LRP1B: variants seen among roughly 807,000 people sequenced by gnomAD.
LRP1B encodes LDL receptor related protein 1B, also known as low-density lipoprotein receptor-related protein 1B.
LRP1B carries 217 observed loss-of-function variants against 556.6 expected under a neutral mutation model. That is an observed-to-expected ratio of 0.39 (90% CI 0.35 to 0.44). The LOEUF (loss-of-function observed/expected upper bound fraction) is 0.44. LRP1B is among the 20% of genes least tolerant of loss of function. LRP1B has a pLI of 1.00. For synonymous variants in LRP1B, 2,047 were observed against 1,865.8 expected (o/e 1.10, Z -2.50); for missense variants, 5,053 against 5,620.8 (o/e 0.90, Z 3.23).
At chr2:140,693,186 A>G (rs2105403365) in intron 41 of LRP1B, among the ~76,000 whole-genome samples, 1 of 152,266 alleles carries the variant, frequency 6.6e-6, no homozygotes, top group Admixed American at 6.5e-5. Context: ...TTTAATAATA[A>G]AGACAATTGT....
At chr2:141,483,724 C>T (rs1361163297) in intron 2 of LRP1B, among the ~76,000 whole-genome samples, 18 of 152,148 alleles carry the variant, frequency 1.2e-4, no homozygotes, top group South Asian at 1.0e-3. Flanking sequence ...TGATGATGAG[C>T]GTTTTTTCAT....
chr2:140,315,658 C>A (rs974224152), intron 82 of LRP1B, among the ~76,000 whole-genome samples: 1 of 152,140 alleles, frequency 6.6e-6, no homozygotes, highest in African/African-American at 2.4e-5. Context: ...ACCAAGAAAT[C>A]TTCCTTATAA....
intron 32 of LRP1B, among the ~76,000 whole-genome samples, chr2:140,778,134 A>T (rs943643319): frequency 6.6e-6 from 1 of 152,220 alleles, no homozygotes; most frequent in African/African-American, 2.4e-5. Flanking sequence ...TGAAAAGTGC[A>T]TAAGGTCCTT....
intron 2 of LRP1B, among the ~76,000 whole-genome samples, chr2:141,664,080 C>G (rs527575023): frequency 1.3e-4 from 20 of 152,196 alleles, no homozygotes; most frequent in African/African-American, 4.6e-4. Flanking sequence ...AAGGCTGGTT[C>G]AACATACACA....
At chr2:140,615,809 C>T (rs954798911) in intron 41 of LRP1B, among the ~76,000 whole-genome samples, 2 of 150,840 alleles carry the variant, frequency 1.3e-5, no homozygotes, top group South Asian at 4.2e-4. Flanking sequence ...AATATTTTGC[C>T]CAAACTGCTA....
At chr2:140,901,452 A>C (rs1042248944) in intron 23 of LRP1B, among the ~76,000 whole-genome samples, 6 of 151,840 alleles carry the variant, frequency 4.0e-5, no homozygotes, top group African/African-American at 1.5e-4. Flanking sequence ...GGCCCCAGTT[A>C]GTTGCTACCT....
chr2:141,466,813 T>A (rs1046413131), intron 3 of LRP1B, among the ~76,000 whole-genome samples: 20 of 151,998 alleles, frequency 1.3e-4, no homozygotes, highest in Admixed American at 1.1e-3. Flanking sequence ...TCTATAACCT[T>A]TTTTTAATAT....
rs1053073773 is a variant in LRP1B at position 141,866,282 on chromosome 2, T to C, written c.83-55881A>G. The stretch of plus-strand genomic sequence containing the variant: ...TGAAAAATTGTGAAGACTCCACTTG[T>C]GGGTTGCTAATGTCTCTCTCTAGTC... On this transcript the variant is annotated intron_variant, in intron 1 of 90. Transcript: ENST00000389484. Among the ~76,000 whole-genome samples the C allele has an allele frequency of 4.9e-4, 75 of 152,222 alleles. 1 individual carries two copies. The highest frequency in any genetic ancestry group is 2.1e-4 in the South Asian group (1 of 4,830).
Position 140,346,490 on chromosome 2 carries a change from A to C in LRP1B, c.11892+4307T>G, listed in dbSNP as rs926059757. The stretch of plus-strand genomic sequence containing the variant: ...AACAACAATAAAACCACAAATGGTA[A>C]TGATGTAATGATCTGATAGCTTTAG... On this transcript the variant is annotated intron_variant, in intron 77 of 90. Transcript: ENST00000389484. Among the ~76,000 whole-genome samples the C allele has an allele frequency of 3.3e-5, 5 of 151,974 alleles. No individual in the cohort carries two copies. The East Asian group carries it at 9.7e-4, about 29-fold the overall frequency.
Position 140,583,162 on chromosome 2 carries a change from C to CTTTTTTTTTTTTTTTTTTTTTTTTTTT in LRP1B, c.7194+15468_7194+15469insAAAAAAAAAAAAAAAAAAAAAAAAAAA, listed in dbSNP as rs1220644581. Reference sequence around the variant, plus strand: ...TGAAAGTTTCTATTGACAGTTTCTCCTTTTTTTTCTTTTTTTTTTTTTTTT... The same window carrying CTTTTTTTTTTTTTTTTTTTTTTTTTTT: ...TGAAAGTTTCTATTGACAGTTTCTCCTTTTTTTTTTTTTTTTTTTTTTTTTTTTTTTTTTTCTTTTTTTTTTTTTTTT... On this transcript the variant is annotated intron_variant, in intron 43 of 90. Coordinates refer to ENST00000389484, the MANE Select transcript of LRP1B (RefSeq NM_018557.3). Among the ~76,000 whole-genome samples the CTTTTTTTTTTTTTTTTTTTTTTTTTTT allele has an allele frequency of 1.9e-5, 2 of 107,818 alleles. 1 individual carries two copies. The highest frequency in any genetic ancestry group is 3.5e-5 in the Non-Finnish European group (2 of 57,378). The allele number at this position is 107,818 out of a possible 152,430, so 70.7% of individuals were successfully genotyped here.
chr2:141,896,615 G>A (rs1699459629), intron 1 of LRP1B, among the ~76,000 whole-genome samples: 2 of 152,072 alleles, frequency 1.3e-5, no homozygotes, highest in Non-Finnish European at 2.9e-5. Flanking sequence ...AAGATGCAAT[G>A]TATGGTACCA....
intron 18 of LRP1B, among the ~76,000 whole-genome samples, chr2:140,969,864 C>G (rs1369638164): frequency 6.6e-5 from 10 of 152,200 alleles, no homozygotes; most frequent in Admixed American, 3.3e-4. Flanking sequence ...TCTCTTCTGG[C>G]TTGTAGAGTT....
At chr2:140,642,604 A>G (rs545629110) in intron 41 of LRP1B, among the ~76,000 whole-genome samples, 31 of 152,148 alleles carry the variant, frequency 2.0e-4, no homozygotes, top group African/African-American at 7.2e-4. Flanking sequence ...CACTTTGGGA[A>G]GCCGAGATGG....
chr2:140,449,708 A>C lies in LRP1B; in HGVS notation c.10057+860T>G, dbSNP rs182379010. On this transcript the variant is annotated intron_variant, in intron 63 of 90. Coordinates refer to ENST00000389484, the MANE Select transcript of LRP1B (RefSeq NM_018557.3). ...ATCTAGATAACCTAAATTTCAAAAA[A>C]GCTTTATAATAAGGTGGTAGCAAGC... is the stretch of plus-strand genomic sequence containing the variant. Among the ~76,000 whole-genome samples the C allele has an allele frequency of 3.2e-4, 49 of 152,310 alleles. No individual in the cohort carries two copies. The East Asian group carries it at 4.6e-3, about 14-fold the overall frequency.
chr2:141,736,230 A>G (rs1384926285), intron 2 of LRP1B, among the ~76,000 whole-genome samples: 1 of 152,296 alleles, frequency 6.6e-6, no homozygotes, highest in East Asian at 1.9e-4. Context: ...GGCTTGTAAT[A>G]TGCATCTGTG....
chr2:141,157,111 T>G (rs941589466), intron 7 of LRP1B, among the ~76,000 whole-genome samples: 1 of 152,132 alleles, frequency 6.6e-6, no homozygotes, highest in Non-Finnish European at 1.5e-5. Context: ...CACCTATCAT[T>G]TGCTTTTAAA....
chr2:141,117,651 T>G (rs2104986582), intron 7 of LRP1B, among the ~76,000 whole-genome samples: 1 of 152,098 alleles, frequency 6.6e-6, no homozygotes, highest in Non-Finnish European at 1.5e-5. Context: ...ATACAACATT[T>G]TAAAATCTGA....
chr2:142,021,639 G>A (rs991374969), intron 1 of LRP1B, among the ~76,000 whole-genome samples: 1 of 151,970 alleles, frequency 6.6e-6, no homozygotes, highest in African/African-American at 2.4e-5. Flanking sequence ...CCTAATCAGA[G>A]TATAACTTCC....
intron 7 of LRP1B, among the ~76,000 whole-genome samples, chr2:141,119,022 G>A (rs544659178): frequency 1.3e-5 from 2 of 152,004 alleles, no homozygotes; most frequent in South Asian, 2.1e-4. Context: ...TAACTGCTCA[G>A]GCGGTTAATT....
Sources: allele counts gnomAD v4.1 joint callset (sites outside exome capture counted in the v4.1 genomes callset), GRCh38; gene constraint gnomAD v4.1.1; transcripts MANE v1.5; gene names NCBI Gene and HGNC (gene_info 2026-07-23, HGNC 2026-07-21).